The following BMAL1 variants were observed in gnomAD, a reference collection of about 807,000 sequenced individuals.
BMAL1 encodes the protein basic helix-loop-helix ARNT like 1, also known as basic helix-loop-helix ARNT-like protein 1.
the BMAL1 span, among the ~76,000 whole-genome samples, chr11:13,291,702 G>A: frequency 6.6e-5 from 10 of 151,622 alleles, no homozygotes; most frequent in African/African-American, 1.7e-4. Context: ...TTTAGAAGTC[G>A]GCAGGAATTA....
At chr11:13,357,130 C>T in the BMAL1 span, 12 of 1,613,012 alleles carry the variant, frequency 7.4e-6, no homozygotes, top group Non-Finnish European at 1.0e-5. The surrounding 1 kb of genome is among the most constrained non-coding windows in gnomAD (Gnocchi z 4.8). Context: ...TACAAAGCAT[C>T]CTAGTTCTGG....
chr11:13,365,630 C>G, the BMAL1 span: 1 of 1,548,426 alleles, frequency 6.5e-7, no homozygotes, highest in Admixed American at 1.7e-5. Context: ...GGCAGCCTCA[C>G]AGCAGTCAGA....
the BMAL1 span, among the ~76,000 whole-genome samples, chr11:13,377,944 G>C: frequency 6.6e-6 from 1 of 152,172 alleles, no homozygotes; most frequent in East Asian, 1.9e-4. Context: ...TGGTTGCCTC[G>C]TGCTTGCCTG....
chr11:13,367,476 G>A, the BMAL1 span, among the ~76,000 whole-genome samples: 2 of 152,238 alleles, frequency 1.3e-5, no homozygotes, highest in South Asian at 2.1e-4. Flanking sequence ...TGAGGCAGGT[G>A]GATCTCTTGA....
the BMAL1 span, among the ~76,000 whole-genome samples, chr11:13,333,438 G>A: frequency 2.0e-5 from 3 of 152,366 alleles, no homozygotes; most frequent in East Asian, 5.8e-4. Flanking sequence ...ACCACCAGAT[G>A]TGGTTCTGAG....
chr11:13,341,345 G>A, the BMAL1 span, among the ~76,000 whole-genome samples: 3 of 152,224 alleles, frequency 2.0e-5, no homozygotes, highest in Admixed American at 6.5e-5. Flanking sequence ...GGTGAAAGGT[G>A]CAGGCCATTC....
chr11:13,327,695 C>T, the BMAL1 span, among the ~76,000 whole-genome samples: 3 of 152,144 alleles, frequency 2.0e-5, no homozygotes, highest in Admixed American at 6.5e-5. Flanking sequence ...TGTGAAAGGG[C>T]TTCCTGTATA....
chr11:13,276,926 G>A, the BMAL1 span: 18 of 152,244 alleles, frequency 1.2e-4, no homozygotes, highest in Non-Finnish European at 2.6e-4. Flanking sequence ...CTGCCGCGGG[G>A]CTGGTGTCTA....
the BMAL1 span, among the ~76,000 whole-genome samples, chr11:13,352,425 G>C: frequency 2.0e-5 from 3 of 152,178 alleles, no homozygotes; most frequent in Admixed American, 6.5e-5. Flanking sequence ...ACGTAAGACA[G>C]AGAAACGCCT....
chr11:13,353,818 T>A, the BMAL1 span, among the ~76,000 whole-genome samples: 2 of 152,132 alleles, frequency 1.3e-5, no homozygotes, highest in Non-Finnish European at 1.5e-5. Context: ...AGAGTGAGAC[T>A]TTGTCTCAAA....
At chr11:13,338,572 A>G in the BMAL1 span, among the ~76,000 whole-genome samples, 2 of 152,156 alleles carry the variant, frequency 1.3e-5, no homozygotes, top group Admixed American at 6.5e-5. Flanking sequence ...AGGGATGGGT[A>G]TGAGCCTGCC....
the BMAL1 span, among the ~76,000 whole-genome samples, chr11:13,367,341 C>T: frequency 6.6e-6 from 1 of 152,170 alleles, no homozygotes; most frequent in Non-Finnish European, 1.5e-5. Context: ...CTGTGCAAGG[C>T]CCCAGTAGCT....
the BMAL1 span, among the ~76,000 whole-genome samples, chr11:13,282,684 A>G: frequency 5.3e-5 from 8 of 152,218 alleles, no homozygotes; most frequent in Non-Finnish European, 7.3e-5. Context: ...AGCAATGTCC[A>G]CATTGATTTT....
the BMAL1 span, among the ~76,000 whole-genome samples, chr11:13,385,196 A>T: frequency 6.6e-6 from 1 of 152,198 alleles, no homozygotes; most frequent in Non-Finnish European, 1.5e-5. Flanking sequence ...GCCTGTCTTA[A>T]CTTAAACCAC....
At chr11:13,339,842 C>T in the BMAL1 span, among the ~76,000 whole-genome samples, 1 of 152,120 alleles carries the variant, frequency 6.6e-6, no homozygotes, top group Non-Finnish European at 1.5e-5. Context: ...TTACTTGTTT[C>T]GTTTGCTTGC....
chr11:13,328,721 G>T, the BMAL1 span, among the ~76,000 whole-genome samples: 1 of 152,182 alleles, frequency 6.6e-6, no homozygotes, highest in Admixed American at 6.5e-5. Flanking sequence ...TGTTTCTGAT[G>T]AGCAGTTTTT....
At chr11:13,289,479 C>T in the BMAL1 span, among the ~76,000 whole-genome samples, 14 of 152,170 alleles carry the variant, frequency 9.2e-5, no homozygotes, top group East Asian at 1.9e-4. Context: ...GTTTGCTGCA[C>T]CCATTAACTC....
the BMAL1 span, among the ~76,000 whole-genome samples, chr11:13,371,554 TCAC>T: frequency 6.6e-6 from 1 of 152,218 alleles, no homozygotes; most frequent in South Asian, 2.1e-4. Flanking sequence ...AGTTCATACG[TCAC>T]TCTGCTCCTA....
chr11:13,346,759 T>G, the BMAL1 span, among the ~76,000 whole-genome samples: 6 of 152,146 alleles, frequency 3.9e-5, no homozygotes, highest in Non-Finnish European at 8.8e-5. Flanking sequence ...CCTTTGGGAC[T>G]CTCTAGCTTG....
Sources: gnomAD v4.1 joint callset for allele counts (sites outside exome capture counted in the v4.1 genomes callset) on GRCh38, gnomAD v4.1.1 for gene constraint, Gnocchi (gnomAD v3.1) non-coding constraint, MANE v1.5 for transcripts, NCBI Gene and HGNC (gene_info 2026-07-23, HGNC 2026-07-21) for gene names.